VPS50: variants seen among roughly 807,000 people sequenced by gnomAD.
VPS50 encodes the protein syndetin.
A neutral mutation model predicts 139.7 loss-of-function variants in VPS50; 70 were observed. The ratio of observed to expected loss-of-function variants is 0.50; its 90% CI spans 0.41 to 0.61. The LOEUF (loss-of-function observed/expected upper bound fraction) is 0.61, where lower values mean the gene tolerates loss of function less well. Ranked by LOEUF, VPS50 falls within the 20% of genes least tolerant of loss-of-function variation. The pLI is 0.00. For synonymous variants in VPS50, 365 were observed against 376.7 expected (o/e 0.97, Z 0.36); for missense variants, 921 against 1,133.7 (o/e 0.81, Z 2.69).
intron 24 of VPS50, among the ~76,000 whole-genome samples, chr7:93,349,479 G>C (rs74933991): frequency 0.038 from 5,730 of 152,262 alleles, 117 homozygotes; most frequent in East Asian, 0.087. Context: ...TGGAAGAAAG[G>C]ACTGTAGACA....
chr7:93,233,364 A>G (rs1794696519), intron 1 of VPS50, among the ~76,000 whole-genome samples: 1 of 152,248 alleles, frequency 6.6e-6, no homozygotes, highest in Non-Finnish European at 1.5e-5. Context: ...AGAGTTTTAA[A>G]TCAACATGGC....
chr7:93,350,401 A>C (rs1798522683), intron 25 of VPS50, among the ~76,000 whole-genome samples: 1 of 152,176 alleles, frequency 6.6e-6, no homozygotes, highest in South Asian at 2.1e-4. Flanking sequence ...GCCTCTGATT[A>C]TTCGGGGTAA....
chr7:93,245,584 C>T (rs1795126154), intron 2 of VPS50, among the ~76,000 whole-genome samples: 1 of 151,878 alleles, frequency 6.6e-6, no homozygotes, highest in Non-Finnish European at 1.5e-5. Flanking sequence ...TATTAAAATA[C>T]ATCATCTTAA....
At chr7:93,256,651 T>C (rs373889301) in intron 5 of VPS50, 89 bp downstream of exon 5, 2 of 706,468 alleles carry the variant, frequency 2.8e-6, no homozygotes, top group African/African-American at 1.9e-5. Flanking sequence ...GTATTTTTTG[T>C]CAATAATTCT....
At chr7:93,342,497 G>A (rs1039286723) in intron 23 of VPS50, among the ~76,000 whole-genome samples, 1 of 152,236 alleles carries the variant, frequency 6.6e-6, no homozygotes, top group Non-Finnish European at 1.5e-5. Flanking sequence ...AGGCCTGCCT[G>A]CCTCTGTAGG....
chr7:93,254,121 C>G (rs1011832674), intron 4 of VPS50, among the ~76,000 whole-genome samples, 190 bp downstream of exon 4: 2 of 152,132 alleles, frequency 1.3e-5, no homozygotes, highest in African/African-American at 4.8e-5. Context: ...CTTATGTTAC[C>G]TTGGTAGATT....
intron 18 of VPS50, among the ~76,000 whole-genome samples, chr7:93,308,537 T>C (rs1797179572): frequency 6.6e-6 from 1 of 151,878 alleles, no homozygotes; most frequent in African/African-American, 2.4e-5. Context: ...GAATGTATAC[T>C]CTTTAGGCCT....
chr7:93,274,494 C>A (rs73415365), intron 11 of VPS50, among the ~76,000 whole-genome samples: 1,542 of 152,200 alleles, frequency 0.01, 24 homozygotes, highest in African/African-American at 0.033. Context: ...TCGATTACAA[C>A]ATGGCCTACT....
At chr7:93,327,919 G>A (rs1584474548) in intron 21 of VPS50, among the ~76,000 whole-genome samples, 2 of 152,158 alleles carry the variant, frequency 1.3e-5, no homozygotes, top group African/African-American at 4.8e-5. Context: ...TTGTGTGAGA[G>A]AATTTAGATG....
intron 2 of VPS50, among the ~76,000 whole-genome samples, chr7:93,242,439 C>T (rs1795021447): frequency 6.6e-6 from 1 of 151,784 alleles, no homozygotes; most frequent in East Asian, 1.9e-4. Context: ...TGGTATCATA[C>T]TCTAGAAATT....
chr7:93,341,661 C>T, intron 23 of VPS50, 86 bp downstream of exon 23: 1 of 772,176 alleles, frequency 1.3e-6, no homozygotes, highest in Non-Finnish European at 2.1e-6. Context: ...TTCTAGTTAG[C>T]TGCATACATC....
Position 93,358,313 on chromosome 7 carries a change from G to T in VPS50, c.2776-4G>T, listed in dbSNP as rs1300461728. On this transcript the variant is annotated splice_region_variant and splice_polypyrimidine_tract_variant and intron_variant, in intron 27 of 27. Transcript: ENST00000305866. ...CTAAATTTGGATCTTTCTTCTTTGAGCAGGAATATTCAACGAAGCAGCTGA... is the reference window on the plus strand; with the variant it reads ...CTAAATTTGGATCTTTCTTCTTTGATCAGGAATATTCAACGAAGCAGCTGA... The T allele has an allele frequency of 6.2e-7, 1 of 1,612,444 alleles. No individual in the cohort carries two copies. The highest frequency in any genetic ancestry group is 1.7e-5 in the Admixed American group (1 of 59,930).
At chr7:93,245,495 C>T (rs1036851840) in intron 2 of VPS50, among the ~76,000 whole-genome samples, 3 of 133,896 alleles carry the variant, frequency 2.2e-5, no homozygotes, top group Admixed American at 7.3e-5. Flanking sequence ...TGTACACACT[C>T]GATTTTTCTC....
chr7:93,323,042 A>G (rs1385279878), intron 20 of VPS50, among the ~76,000 whole-genome samples: 1 of 152,226 alleles, frequency 6.6e-6, no homozygotes, highest in African/African-American at 2.4e-5. Context: ...AGTGATAAAG[A>G]AATGTTCTTG....
intron 23 of VPS50, among the ~76,000 whole-genome samples, chr7:93,342,117 C>T (rs375047689): frequency 1.6e-4 from 24 of 152,270 alleles, no homozygotes; most frequent in Non-Finnish European, 2.1e-4. Context: ...TCAGTGGGTG[C>T]GCGCACTGTG....
At chr7:93,270,616 T>C (rs1389682207) in intron 9 of VPS50, among the ~76,000 whole-genome samples, 1 of 151,800 alleles carries the variant, frequency 6.6e-6, no homozygotes, top group Non-Finnish European at 1.5e-5. Context: ...TGCTGGGAGG[T>C]AGAGTGTGTG....
At chr7:93,348,451 C>T (rs975283265) in intron 23 of VPS50, among the ~76,000 whole-genome samples, 8 of 152,170 alleles carry the variant, frequency 5.3e-5, no homozygotes, top group African/African-American at 1.7e-4. Flanking sequence ...CATGACTACA[C>T]CTCATCATAA....
At chr7:93,259,680 A>G (rs1795607488) in intron 9 of VPS50, 48 bp downstream of exon 9, 2 of 919,924 alleles carry the variant, frequency 2.2e-6, no homozygotes, top group Non-Finnish European at 3.6e-6. Flanking sequence ...TCAGCTTCTT[A>G]TGTAGCAGCT....
chr7:93,330,067 A>T (rs1797889747), intron 21 of VPS50, among the ~76,000 whole-genome samples: 1 of 152,194 alleles, frequency 6.6e-6, no homozygotes, highest in Non-Finnish European at 1.5e-5. Context: ...AAATCATAGC[A>T]TAGTCTTCCT....
Sources: gnomAD v4.1 joint callset for allele counts (sites outside exome capture counted in the v4.1 genomes callset) on GRCh38, gnomAD v4.1.1 for gene constraint, MANE v1.5 for transcripts, NCBI Gene and HGNC (gene_info 2026-07-23, HGNC 2026-07-21) for gene names.